The following AP1B1 variants were observed in gnomAD, a reference collection of about 807,000 sequenced individuals.
AP1B1 encodes AP-1 complex subunit beta-1.
Under a neutral mutation model 104.3 loss-of-function variants are expected in AP1B1, and 36 were observed. The observed-to-expected ratio is 0.35, with a 90% CI of 0.26 to 0.46. The LOEUF (loss-of-function observed/expected upper bound fraction) is 0.46, where lower values mean the gene tolerates loss of function less well. AP1B1 is among the 20% of genes least tolerant of loss of function. The pLI is 1.00. For missense variants in AP1B1, 901 were observed against 1,247.9 expected (o/e 0.72, Z 4.19); for synonymous variants, 504 against 517.5 (o/e 0.97, Z 0.35).
intron 7 of AP1B1, among the ~76,000 whole-genome samples, chr22:29,353,023 T>C (rs1324417694): frequency 7.2e-5 from 11 of 152,132 alleles, no homozygotes; most frequent in Admixed American, 7.2e-4. Flanking sequence ...TCCGCGAGTA[T>C]CACCCACCAC....
At position 29,329,606 on chromosome 22, in the gene AP1B1, G is replaced by A. The variant is rs1293318124; in HGVS notation, c.2775+106C>T. On this transcript the variant is annotated intron_variant, in intron 22 of 22. Coordinates refer to ENST00000357586, the MANE Select transcript of AP1B1 (RefSeq NM_001127.4). The stretch of plus-strand genomic sequence containing the variant: ...CTGGCTGAAGCCCCCCGGGTGAGGT[G>A]AGGCCAAGAGATGAGGTGCAGACAG... 3.8e-6 allele frequency: 6 copies of A among 1,567,094 alleles called. No individual in the cohort carries two copies. In the East Asian group the frequency reaches 1.1e-4, roughly 30 times the overall value.
At position 29,329,331 on chromosome 22, in the gene AP1B1, C is replaced by T. The variant is rs757553218; in HGVS notation, c.2775+381G>A. 5.0e-5 allele frequency: 59 copies of T among 1,169,236 alleles called. 1 individual carries two copies. Among genetic ancestry groups the T allele is most frequent in the Non-Finnish European group, 5.8e-5 (55 of 944,006 alleles). 72.4% of individuals were successfully genotyped at this position (1,169,236 alleles called of 1,614,324 possible). ...TGCTGGGCTCATTCCTGGTTTCCTGCGTAGGAAGCAGGCACGGTAGAGACT... is the reference window on the plus strand; with the variant it reads ...TGCTGGGCTCATTCCTGGTTTCCTGTGTAGGAAGCAGGCACGGTAGAGACT... On this transcript the variant is annotated intron_variant, in intron 22 of 22. Transcript: ENST00000357586.
At chr22:29,359,987 G>A in intron 3 of AP1B1, 28 bp from the exon 4 acceptor site, 1 of 1,605,766 alleles carries the variant, frequency 6.2e-7, no homozygotes, top group Non-Finnish European at 8.5e-7. Flanking sequence ...TGTCAGCATG[G>A]GAAAGGCTGA....
chr22:29,361,649 A>C (rs536447803), intron 3 of AP1B1, among the ~76,000 whole-genome samples: 126 of 146,372 alleles, frequency 8.6e-4, no homozygotes, highest in African/African-American at 2.8e-3. Flanking sequence ...GAGATTTTAC[A>C]ATCTGGTGAG....
At position 29,358,574 on chromosome 22, in the gene AP1B1, C is replaced by T. The variant is rs1364996899; in HGVS notation, c.525+152G>A. 7 of 1,089,930 alleles carry T rather than the reference C, an allele frequency of 6.4e-6. No individual in the cohort carries two copies. In the African/African-American group the frequency reaches 9.4e-5, roughly 15 times the overall value. 67.5% of individuals were successfully genotyped at this position (1,089,930 alleles called of 1,614,324 possible). ...GGTCTAGCTCCCTCCAGAGAGGGTG[C>T]CTGAACCACCAAAAGGCACAAGAAC... On this transcript the variant is annotated intron_variant, in intron 5 of 22. Transcript: ENST00000357586.
intron 1 of AP1B1, among the ~76,000 whole-genome samples, chr22:29,378,552 CAAAAAAAAAAAAA>C (rs145933767): frequency 2.1e-5 from 1 of 48,484 alleles, no homozygotes; most frequent in Non-Finnish European, 3.7e-5. Flanking sequence ...AACTCCGTAT[CAAAAAAAAAAAAA>C]AAAAAAAAAA....
chr22:29,365,046 T>C (rs752162594), intron 2 of AP1B1, among the ~76,000 whole-genome samples: 8 of 152,196 alleles, frequency 5.3e-5, no homozygotes. Flanking sequence ...CCATACTAAC[T>C]TGTTCCCACA....
intron 1 of AP1B1, among the ~76,000 whole-genome samples, chr22:29,381,660 TGAGA>T: frequency 6.6e-6 from 1 of 152,280 alleles, no homozygotes; most frequent in South Asian, 2.1e-4. Context: ...GAATAAATTA[TGAGA>T]GAGAGAAGAA....
intron 1 of AP1B1, among the ~76,000 whole-genome samples, chr22:29,376,036 T>C (rs1319309783): frequency 6.6e-6 from 1 of 152,098 alleles, no homozygotes. Context: ...TACCAATGAG[T>C]GTTCTTCCCA....
intron 21 of AP1B1, 57 bp from the exon 22 acceptor site, chr22:29,329,777 G>T (rs772053428): frequency 1.2e-6 from 2 of 1,610,388 alleles, no homozygotes; most frequent in African/African-American, 2.7e-5. Flanking sequence ...ACAGGGAGAC[G>T]GAAGTTACCA....
At chr22:29,374,650 T>C (rs984226469) in intron 1 of AP1B1, among the ~76,000 whole-genome samples, 12 of 152,186 alleles carry the variant, frequency 7.9e-5, no homozygotes, top group East Asian at 1.9e-4. Flanking sequence ...CATAGGTAAA[T>C]AGGCGCCCTC....
intron 1 of AP1B1, among the ~76,000 whole-genome samples, chr22:29,377,431 T>G (rs892201411): frequency 6.6e-6 from 1 of 152,092 alleles, no homozygotes; most frequent in African/African-American, 2.4e-5. Context: ...AGGCTCAGCA[T>G]GAAATTTGGA....
intron 1 of AP1B1, among the ~76,000 whole-genome samples, chr22:29,376,121 A>G (rs967862113): frequency 1.3e-5 from 2 of 152,252 alleles, no homozygotes; most frequent in Non-Finnish European, 2.9e-5. Flanking sequence ...GGAAAAAAAG[A>G]GAACAAATTC....
At chr22:29,386,041 A>G (rs2062516843) in intron 1 of AP1B1, among the ~76,000 whole-genome samples, 1 of 152,188 alleles carries the variant, frequency 6.6e-6, no homozygotes, top group African/African-American at 2.4e-5. Flanking sequence ...GAAGGAAGTA[A>G]CGCTCCAGAA....
rs748019423 is a variant in AP1B1, at chr22:29,330,396, C to T, written c.2748G>A (p.Pro916=). The change falls in exon 21 of 23, where the codon CCG becomes CCA. Residue 916 remains proline, a synonymous_variant. Coordinates refer to ENST00000357586, the MANE Select transcript of AP1B1 (RefSeq NM_001127.4). ...CTCTCACCGTGCAGCTGGGGTTGCC[C>T]GGCTGGATCCGCAGCTCCGCCAGCA... ...IWVLAELRIQ[P]GNPSCTDLEL... The T allele has an allele frequency of 2.0e-5, 32 of 1,613,356 alleles. No homozygotes were observed. Among genetic ancestry groups the T allele is most frequent in the East Asian group, 6.7e-5 (3 of 44,878 alleles).
chr22:29,330,838 G>A lies in AP1B1; in HGVS notation c.2525-129C>T, dbSNP rs1304431164. 1.2e-5 allele frequency: 9 copies of A among 750,772 alleles called. 1 individual carries two copies. The highest frequency in any genetic ancestry group is 3.4e-5 in the South Asian group (2 of 58,308). 46.5% of individuals were successfully genotyped at this position (750,772 alleles called of 1,614,324 possible). ...AAGCTGACAACAGGCACTAGCTGCC[G>A]CACAGCCCTCCTGCTTCCCTAAGCA... is the stretch of plus-strand genomic sequence containing the variant. On this transcript the variant is annotated intron_variant, in intron 19 of 22. Coordinates refer to ENST00000357586, the MANE Select transcript of AP1B1 (RefSeq NM_001127.4).
At chr22:29,384,080 A>C (rs1457243412) in intron 1 of AP1B1, among the ~76,000 whole-genome samples, 1 of 152,202 alleles carries the variant, frequency 6.6e-6, no homozygotes, top group Non-Finnish European at 1.5e-5. Context: ...AGGTTCTACA[A>C]AGCAAACAGG....
At chr22:29,349,937 G>A in intron 10 of AP1B1, 98 bp downstream of exon 10, 1 of 947,392 alleles carries the variant, frequency 1.1e-6, no homozygotes, top group African/African-American at 1.6e-5. Context: ...TTGTGGCCAA[G>A]AAGTAAGGAA....
intron 17 of AP1B1, among the ~76,000 whole-genome samples, 161 bp downstream of exon 17, chr22:29,334,104 G>A: frequency 6.6e-6 from 1 of 152,190 alleles, no homozygotes. Context: ...GTGCTTCAGA[G>A]AGTTTTGGCC....
Sources: allele counts gnomAD v4.1 joint callset (sites outside exome capture counted in the v4.1 genomes callset), GRCh38; gene constraint gnomAD v4.1.1; transcripts MANE v1.5; gene names NCBI Gene and HGNC (gene_info 2026-07-23, HGNC 2026-07-21).